ZNF750: variants seen among roughly 807,000 people sequenced by gnomAD.
ZNF750 encodes the protein zinc finger protein 750, also known as protein ZNF750.
Under a neutral mutation model 31.6 loss-of-function variants are expected in ZNF750, and 10 were observed. The ratio of observed to expected loss-of-function variants is 0.32; its 90% CI spans 0.19 to 0.54. ZNF750 has a LOEUF of 0.54. ZNF750 is among the 20% of genes least tolerant of loss of function. The pLI, the probability that ZNF750 is intolerant of heterozygous loss-of-function variation, is 0.95. For missense variants in ZNF750, 914 were observed against 934.9 expected, an observed-to-expected ratio of 0.98 and a Z score of 0.29; for synonymous variants, 400 against 404.9, an observed-to-expected ratio of 0.99 and a Z score of 0.15.
rs113051447 is a variant in ZNF750 at position 82,833,930 on chromosome 17, A to G, written c.-182-1294T>C. Among the ~76,000 whole-genome samples, 28,954 of 150,746 alleles carry G rather than the reference A, an allele frequency of 0.19. 2,942 individuals carry two copies. The highest frequency in any genetic ancestry group is 0.24 in the Admixed American group (3,665 of 15,156). On this transcript the variant is annotated intron_variant, in intron 1 of 2. Coordinates refer to ENST00000269394, the MANE Select transcript of ZNF750 (RefSeq NM_024702.3). The surrounding 1 kb of genome is among the most constrained non-coding windows in gnomAD (Gnocchi z 4.7). ...CTTCAGAGGCTGTGCCGCACGCCCA[A>G]GGCTGAGAACAAAGGCTGTTTTTCT...
At position 82,836,842 on chromosome 17, in the gene ZNF750, T is replaced by G. The variant is rs938909645; in HGVS notation, c.-183+3085A>C. Among the ~76,000 whole-genome samples, 4 of 152,198 alleles carry G rather than the reference T, an allele frequency of 2.6e-5. No homozygotes were observed. The South Asian group carries it at 6.2e-4, about 24-fold the overall frequency. ...AATAGTAATTAGGGAAATAATTGCT[T>G]TTAAATGAATATGTCTGTTTTCTAG... is the stretch of plus-strand genomic sequence containing the variant. On this transcript the variant is annotated intron_variant, in intron 1 of 2. Transcript: ENST00000269394.
At chr17:82,836,297 CGT>C (rs2053967671) in intron 1 of ZNF750, among the ~76,000 whole-genome samples, 1 of 152,202 alleles carries the variant, frequency 6.6e-6, no homozygotes, top group South Asian at 2.1e-4. Context: ...GTTCTGAAGG[CGT>C]GAGAACCTCT....
chr17:82,832,221 C>G lies in ZNF750; in HGVS notation c.234G>C (p.Gln78His), dbSNP rs970233629. 8.1e-6 allele frequency: 13 copies of G among 1,614,222 alleles called. No individual in the cohort carries two copies. The Admixed American group carries it at 2.0e-4, about 25-fold the overall frequency. Reference sequence around the variant, plus strand: ...AGGCTGGCTTCGCCGTGGCATCGGGCTGGTTGGTTTGCTTGGGGTCTAGTG... The same window carrying G: ...AGGCTGGCTTCGCCGTGGCATCGGGGTGGTTGGTTTGCTTGGGGTCTAGTG... ...SNSLDPKQTN[Q>H]PDATAKPASS... The change falls in exon 2 of 3, where the codon CAG (glutamine) becomes CAC (histidine). Residue 78 changes from glutamine (Q) to histidine (H), a missense_variant. Gln to His is a conservative substitution (Grantham distance 24, BLOSUM62 0). This residue lies in a region of ZNF750 where 880 missense variants were observed against 868.9 expected (regional missense o/e 1.01). Coordinates refer to ENST00000269394, the MANE Select transcript of ZNF750 (RefSeq NM_024702.3). The surrounding 1 kb of genome is among the most constrained non-coding windows in gnomAD (Gnocchi z 4.9).
At chr17:82,836,996 G>T (rs572668470) in intron 1 of ZNF750, among the ~76,000 whole-genome samples, 3 of 152,158 alleles carry the variant, frequency 2.0e-5, no homozygotes, top group Admixed American at 6.5e-5. Flanking sequence ...ATGGAGTCTC[G>T]GGCAGTGGTT....
At chr17:82,838,195 A>G (rs2054147589) in intron 1 of ZNF750, among the ~76,000 whole-genome samples, 1 of 152,178 alleles carries the variant, frequency 6.6e-6, no homozygotes, top group South Asian at 2.1e-4. Context: ...CTAAATTGCC[A>G]ATATACTGTC....
chr17:82,836,595 G>A (rs552754438), intron 1 of ZNF750, among the ~76,000 whole-genome samples: 2 of 151,106 alleles, frequency 1.3e-5, no homozygotes, highest in Admixed American at 6.6e-5. Flanking sequence ...AAACACAAGC[G>A]CTCAGAGGAG....
rs760075902 is a variant in ZNF750 at position 82,831,586 on chromosome 17, G to A, written c.869C>T (p.Pro290Leu). 7 of 1,614,164 alleles carry A rather than the reference G, an allele frequency of 4.3e-6. No homozygotes were observed. The highest frequency in any genetic ancestry group is 2.2e-5 in the East Asian group (1 of 44,884). Residue 290 changes from proline to leucine, a missense_variant, in exon 2 of 3, where the codon CCG becomes CTG. Pro to Leu is a moderately conservative substitution (Grantham distance 98). Coordinates refer to ENST00000269394, the MANE Select transcript of ZNF750 (RefSeq NM_024702.3). This position sits in a 1 kb window ranked among gnomAD's most constrained non-coding sequence, Gnocchi z 4.6. ...DPRHFLPHPG[P>L]IPKHLAPSPA... The stretch of plus-strand genomic sequence containing the variant: ...AGATGGAGCCAGGTGCTTAGGGATC[G>A]GCCCCGGGTGAGGCAGGAAGTGTCT...
In ZNF750 at chr17:82,830,845, G is replaced by A. The variant is rs1316339764; in HGVS notation, c.1469C>T (p.Pro490Leu). ...CGAGACGAGAGAGGCGCTTCCGGTCGGAGCAGGAGGGTCTCCGTTCACAAC... is the reference window on the plus strand; with the variant it reads ...CGAGACGAGAGAGGCGCTTCCGGTCAGAGCAGGAGGGTCTCCGTTCACAAC... ...LNVVNGDPPA[P>L]TGSASLVSEA... is the part of the protein sequence containing the mutation. The change falls in exon 3 of 3, where the codon CCG becomes CTG. Residue 490 changes from proline to leucine, a missense_variant. Physicochemically the swap from Pro to Leu is moderately conservative, Grantham distance 98. Transcript: ENST00000269394. The A allele has an allele frequency of 4.3e-6, 7 of 1,612,884 alleles. No homozygotes were observed. Among genetic ancestry groups the A allele is most frequent in the South Asian group, 2.2e-5 (2 of 91,078 alleles).
In ZNF750 at chr17:82,831,766, G is replaced by A. The variant is rs749794050; in HGVS notation, c.689C>T (p.Ala230Val). 6.2e-7 allele frequency: 1 copy of A among 1,614,160 alleles called. No homozygotes were observed. Among genetic ancestry groups the A allele is most frequent in the East Asian group, 2.2e-5 (1 of 44,886 alleles). The change falls in exon 2 of 3, where the codon GCC (alanine) becomes GTC (valine). Residue 230 changes from alanine to valine, a missense_variant. By Grantham distance (64) the Ala-to-Val change is moderately conservative. Transcript: ENST00000269394. This position sits in a 1 kb window ranked among gnomAD's most constrained non-coding sequence, Gnocchi z 4.6. ...TGTGGGGTGCATGTAAGGGGAAATGGCCCCAAGCCCCTTTGTAGATGAGAT... is the reference window on the plus strand; with the variant it reads ...TGTGGGGTGCATGTAAGGGGAAATGACCCCAAGCCCCTTTGTAGATGAGAT... ...HKISSTKGLG[A>V]ISPYMHPTIP...
chr17:82,832,962 A>G lies in ZNF750; in HGVS notation c.-182-326T>C, dbSNP rs1377524799. ...AAGCCTTTGAGTTTTGGGAACTTTC[A>G]TCCTGTGACCTGGACCTTTCCTCGA... On this transcript the variant is annotated intron_variant, in intron 1 of 2. Coordinates refer to ENST00000269394, the MANE Select transcript of ZNF750 (RefSeq NM_024702.3). The surrounding 1 kb of genome is among the most constrained non-coding windows in gnomAD (Gnocchi z 4.9). 6.6e-6 allele frequency among the ~76,000 whole-genome samples: 1 copy of G among 152,076 alleles called. No homozygotes were observed. The highest frequency in any genetic ancestry group is 2.4e-5 in the African/African-American group (1 of 41,408).
Position 82,831,949 on chromosome 17 carries a change from C to T in ZNF750, c.506G>A (p.Arg169Lys). The T allele has an allele frequency of 6.2e-7, 1 of 1,614,040 alleles. No individual in the cohort carries two copies. Among genetic ancestry groups the T allele is most frequent in the Non-Finnish European group, 8.5e-7 (1 of 1,179,936 alleles). The change falls in exon 2 of 3, where the codon AGA (arginine) becomes AAA (lysine). Residue 169 changes from arginine (R) to lysine (K), a missense_variant. This residue lies in a region of ZNF750 where 880 missense variants were observed against 868.9 expected (regional missense o/e 1.01). Coordinates refer to ENST00000269394, the MANE Select transcript of ZNF750 (RefSeq NM_024702.3). This position sits in a 1 kb window ranked among gnomAD's most constrained non-coding sequence, Gnocchi z 4.6. Reference sequence around the variant, plus strand: ...CTCGGCGTTGTCTGGCCCCTTGAGTCTGTGCTCGCCGACTGGAACAAATGC... The same window carrying T: ...CTCGGCGTTGTCTGGCCCCTTGAGTTTGTGCTCGCCGACTGGAACAAATGC... ...PSAFVPVGEH[R>K]LKGPDNAEAP...
rs188833987 is a variant in ZNF750, at chr17:82,839,003, A to G, written c.-183+924T>C. On this transcript the variant is annotated intron_variant, in intron 1 of 2. Coordinates refer to ENST00000269394, the MANE Select transcript of ZNF750 (RefSeq NM_024702.3). ...CCAAATCAAGTTTATGAGAAATTTC[A>G]TATAAGGAAAAAAACCCTTTTGTAT... 4.4e-5 allele frequency: 43 copies of G among 983,340 alleles called. No individual in the cohort carries two copies. The African/African-American group carries it at 7.3e-4, about 17-fold the overall frequency. 60.9% of individuals were successfully genotyped at this position (983,340 alleles called of 1,614,324 possible). A position where few individuals can be genotyped will look rare whatever the true frequency, so the allele number is the denominator to read the frequency against.
rs1470239562 is a variant in ZNF750 at position 82,832,377 on chromosome 17, T to C, written c.78A>G (p.Lys26=). The change falls in exon 2 of 3, where the codon AAA becomes AAG. Residue 26 remains lysine (K), a synonymous_variant. Coordinates refer to ENST00000269394, the MANE Select transcript of ZNF750 (RefSeq NM_024702.3). This position sits in a 1 kb window ranked among gnomAD's most constrained non-coding sequence, Gnocchi z 4.9. ...TGCAAGTAAAGGGACATTGGAAACA[T>C]TTATACTTGAAGGGCTTTCCTGGAG... ...PRPPGKPFKY[K]CFQCPFTCNE... is the part of the protein sequence containing the mutation. 16 of 1,614,104 alleles carry C rather than the reference T, an allele frequency of 9.9e-6. No individual in the cohort carries two copies. In the East Asian group the frequency reaches 3.6e-4, roughly 36 times the overall value.
At chr17:82,838,293 AAG>A (rs1225091878) in intron 1 of ZNF750, among the ~76,000 whole-genome samples, 1 of 152,082 alleles carries the variant, frequency 6.6e-6, no homozygotes, top group Non-Finnish European at 1.5e-5. Context: ...ACAAGCTTCT[AAG>A]GAGTTTGAAC....
rs754847186 is a variant in ZNF750, at chr17:82,830,642, G to A, written c.1672C>T (p.Pro558Ser). The A allele has an allele frequency of 1.2e-6, 2 of 1,614,040 alleles. No individual in the cohort carries two copies. Among genetic ancestry groups the A allele is most frequent in the East Asian group, 2.2e-5 (1 of 44,864 alleles). The change falls in exon 3 of 3, where the codon CCC (proline) becomes TCC (serine). Residue 558 changes from proline (P) to serine (S), a missense_variant. This residue lies in a region of ZNF750 where 880 missense variants were observed against 868.9 expected (regional missense o/e 1.01). Coordinates refer to ENST00000269394, the MANE Select transcript of ZNF750 (RefSeq NM_024702.3). The stretch of plus-strand genomic sequence containing the variant: ...GGCCTCGGAGCCTGGGTGTTACAGG[G>A]GTCCTTCACCGAGAGATTGAGTGGA... ...DLPLNLSVKD[P>S]CNTQAPRPAF...
chr17:82,830,851 G>T lies in ZNF750; in HGVS notation c.1463C>A (p.Pro488His). ...VSLNVVNGDPPAPTGSASLVS... is the reference protein window; with the variant it reads ...VSLNVVNGDPHAPTGSASLVS... ...GAGAGAGGCGCTTCCGGTCGGAGCAGGAGGGTCTCCGTTCACAACATTGAG... is the reference window on the plus strand; with the variant it reads ...GAGAGAGGCGCTTCCGGTCGGAGCATGAGGGTCTCCGTTCACAACATTGAG... Residue 488 changes from proline (P) to histidine (H), a missense_variant, in exon 3 of 3, where the codon CCT becomes CAT. Physicochemically the swap from Pro to His is moderately conservative, Grantham distance 77. Transcript: ENST00000269394. 6.2e-7 allele frequency: 1 copy of T among 1,613,042 alleles called. No homozygotes were observed. Among genetic ancestry groups the T allele is most frequent in the South Asian group, 1.1e-5 (1 of 91,080 alleles).
In ZNF750 at chr17:82,829,958, T is replaced by G. The variant is rs1312914706; in HGVS notation, c.*184A>C. The stretch of plus-strand genomic sequence containing the variant: ...CAAAAGTAGAAGCACCTTTTAATAT[T>G]CATGCTTAATATTTATAAAAACTGA... On this transcript the variant is annotated 3_prime_UTR_variant, in exon 3 of 3. Coordinates refer to ENST00000269394, the MANE Select transcript of ZNF750 (RefSeq NM_024702.3). 2.4e-4 allele frequency: 231 copies of G among 976,486 alleles called. 2 individuals carry two copies. In the East Asian group the frequency reaches 6.0e-3, roughly 25 times the overall value. The allele number at this position is 976,486 out of a possible 1,614,324, so 60.5% of individuals were successfully genotyped here.
Position 82,832,564 on chromosome 17 carries a change from G to T in ZNF750, c.-110C>A. ...CACCTCCCGCTTTGCTTTCTTTCCC[G>T]ATCACTTCTATCAGAAGCCAGCTCT... On this transcript the variant is annotated 5_prime_UTR_variant, in exon 2 of 3. Transcript: ENST00000269394. The surrounding 1 kb of genome is among the most constrained non-coding windows in gnomAD (Gnocchi z 4.9). 3.1e-6 allele frequency: 3 copies of T among 983,152 alleles called. No individual in the cohort carries two copies. Among genetic ancestry groups the T allele is most frequent in the Non-Finnish European group, 4.7e-6 (3 of 636,974 alleles). The allele number at this position is 983,152 out of a possible 1,614,324, so 60.9% of individuals were successfully genotyped here.
chr17:82,830,938 A>C, intron 2 of ZNF750, 61 bp from the exon 3 acceptor site: 10 of 1,613,268 alleles, frequency 6.2e-6, no homozygotes, highest in Non-Finnish European at 8.5e-6. Context: ...TGCGTGAAGC[A>C]GTGTGAGCAA....
Sources: allele counts gnomAD v4.1 joint callset (sites outside exome capture counted in the v4.1 genomes callset), GRCh38; gene constraint gnomAD v4.1.1; regional missense constraint gnomAD v4.1.1; non-coding constraint Gnocchi (gnomAD v3.1); transcripts MANE v1.5; gene names NCBI Gene and HGNC (gene_info 2026-07-23, HGNC 2026-07-21).